The following KSR2 variants were observed in gnomAD, a reference collection of about 807,000 sequenced individuals.
KSR2 encodes the protein kinase suppressor of ras 2.
A neutral mutation model predicts 107.8 loss-of-function variants in KSR2; 25 were observed. The ratio of observed to expected loss-of-function variants is 0.23; its 90% CI spans 0.17 to 0.32. KSR2 has a LOEUF of 0.32. Ranked by LOEUF, KSR2 falls within the 10% of genes least tolerant of loss-of-function variation. KSR2 has a pLI of 1.00. For missense variants in KSR2, 887 were observed against 1,268.9 expected (o/e 0.70, Z 4.57); for synonymous variants, 480 against 507.0 (o/e 0.95, Z 0.71).
chr12:117,770,817 A>G (rs1056865072), intron 3 of KSR2, among the ~76,000 whole-genome samples: 1 of 151,818 alleles, frequency 6.6e-6, no homozygotes, highest in Non-Finnish European at 1.5e-5. Context: ...AATACAAAAA[A>G]AAAAAAGAAA....
chr12:117,775,354 G>A (rs1889650889), intron 3 of KSR2, among the ~76,000 whole-genome samples: 1 of 152,186 alleles, frequency 6.6e-6, no homozygotes, highest in Admixed American at 6.5e-5. Context: ...TGTCATCATA[G>A]CCATCCTAGT....
At chr12:117,913,488 A>T (rs1359089770) in intron 1 of KSR2, among the ~76,000 whole-genome samples, 1 of 152,208 alleles carries the variant, frequency 6.6e-6, no homozygotes, top group African/African-American at 2.4e-5. Flanking sequence ...TCTTCTGTAG[A>T]TGTCATAAGG....
At chr12:117,888,807 G>C (rs1398551639) in intron 1 of KSR2, among the ~76,000 whole-genome samples, 2 of 152,156 alleles carry the variant, frequency 1.3e-5, no homozygotes, top group African/African-American at 4.8e-5. Context: ...AAGCCATCCA[G>C]TCTATGGTAT....
intron 14 of KSR2, among the ~76,000 whole-genome samples, chr12:117,521,605 C>T (rs1874764918): frequency 6.6e-6 from 1 of 152,246 alleles, no homozygotes; most frequent in African/African-American, 2.4e-5. Context: ...AAGAGCCACA[C>T]ATATTGCATT....
chr12:117,796,815 G>A (rs914986369), intron 3 of KSR2, among the ~76,000 whole-genome samples: 4 of 152,154 alleles, frequency 2.6e-5, no homozygotes, highest in Admixed American at 2.0e-4. Flanking sequence ...CAACCCATAT[G>A]TTGATAGAAC....
chr12:117,948,789 G>A (rs1406817143), intron 1 of KSR2, among the ~76,000 whole-genome samples: 1 of 152,114 alleles, frequency 6.6e-6, no homozygotes, highest in African/African-American at 2.4e-5. Flanking sequence ...TGGAGTTTTT[G>A]CCATTTTAAA....
intron 14 of KSR2, among the ~76,000 whole-genome samples, chr12:117,514,313 C>T (rs1166149768): frequency 6.6e-6 from 1 of 152,214 alleles, no homozygotes; most frequent in Non-Finnish European, 1.5e-5. Context: ...CAACACTAAC[C>T]GTCCACACCA....
chr12:117,521,786 G>A (rs1874773791), intron 14 of KSR2, among the ~76,000 whole-genome samples: 1 of 152,114 alleles, frequency 6.6e-6, no homozygotes, highest in African/African-American at 2.4e-5. Context: ...GTTGGCTATT[G>A]TCCAACCATC....
chr12:117,769,833 C>T (rs1889373137), intron 3 of KSR2, among the ~76,000 whole-genome samples: 3 of 152,138 alleles, frequency 2.0e-5, no homozygotes, highest in South Asian at 2.1e-4. Context: ...GCGGGTGGAT[C>T]ACCTGAGGTC....
At chr12:117,850,659 A>C (rs1337269147) in intron 3 of KSR2, among the ~76,000 whole-genome samples, 2 of 152,032 alleles carry the variant, frequency 1.3e-5, no homozygotes, top group Admixed American at 6.6e-5. Flanking sequence ...AATACAGAAA[A>C]GTTTGCCAGG....
At chr12:117,763,420 C>G (rs1463104754) in intron 3 of KSR2, among the ~76,000 whole-genome samples, 3 of 152,146 alleles carry the variant, frequency 2.0e-5, no homozygotes, top group Non-Finnish European at 4.4e-5. Flanking sequence ...TCTAAAGACA[C>G]AGATTCTCAT....
At chr12:117,581,506 A>G (rs1879661926) in intron 6 of KSR2, among the ~76,000 whole-genome samples, 1 of 152,218 alleles carries the variant, frequency 6.6e-6, no homozygotes, top group South Asian at 2.1e-4. Context: ...TACTGAGGCT[A>G]ATTAGCTTTT....
At chr12:117,917,358 T>C (rs1444776951) in intron 1 of KSR2, among the ~76,000 whole-genome samples, 1 of 151,956 alleles carries the variant, frequency 6.6e-6, no homozygotes, top group African/African-American at 2.4e-5. Context: ...CTGGGCAACA[T>C]AGCGAGACCC....
intron 4 of KSR2, among the ~76,000 whole-genome samples, chr12:117,695,133 G>A (rs1024897736): frequency 2.0e-5 from 3 of 152,110 alleles, no homozygotes; most frequent in Non-Finnish European, 4.4e-5. Context: ...ACAGGCGTGA[G>A]CCACCACACC....
intron 16 of KSR2, among the ~76,000 whole-genome samples, chr12:117,479,351 A>G (rs958531411): frequency 6.6e-6 from 1 of 152,338 alleles, no homozygotes; most frequent in South Asian, 2.1e-4. Context: ...GCAGACTGGC[A>G]TGCATGCAAC....
At chr12:117,742,238 C>T (rs1214359767) in intron 4 of KSR2, among the ~76,000 whole-genome samples, 2 of 152,234 alleles carry the variant, frequency 1.3e-5, no homozygotes, top group African/African-American at 2.4e-5. Context: ...GTCAGGATAA[C>T]TGAATGCATT....
chr12:117,938,855 G>A (rs765272005), intron 1 of KSR2, among the ~76,000 whole-genome samples: 6 of 152,078 alleles, frequency 3.9e-5, no homozygotes, highest in Non-Finnish European at 2.9e-5. Flanking sequence ...TTCAGATACC[G>A]TGTCCAGAAC....
At chr12:117,739,304 G>C (rs918238548) in intron 4 of KSR2, among the ~76,000 whole-genome samples, 1 of 152,104 alleles carries the variant, frequency 6.6e-6, no homozygotes. Flanking sequence ...GCAGTGAGCC[G>C]AGAGCGCGCC....
At chr12:117,880,441 C>T (rs10850918) in intron 1 of KSR2, among the ~76,000 whole-genome samples, 59,650 of 151,706 alleles carry the variant, frequency 0.39, 14,368 homozygotes, top group East Asian at 0.87. Context: ...AGCAGATCTC[C>T]TGGGAAAAAG....
Sources: allele counts gnomAD v4.1 joint callset (sites outside exome capture counted in the v4.1 genomes callset), GRCh38; gene constraint gnomAD v4.1.1; transcripts MANE v1.5; gene names NCBI Gene and HGNC (gene_info 2026-07-23, HGNC 2026-07-21).